GAS7: variants seen among roughly 807,000 people sequenced by gnomAD.
GAS7 encodes growth arrest-specific protein 7.
GAS7 carries 28 observed loss-of-function variants against 71.1 expected under a neutral mutation model. The observed-to-expected ratio is 0.39, with a 90% CI of 0.29 to 0.54. The LOEUF is 0.54. Ranked by LOEUF, GAS7 falls within the 20% of genes least tolerant of loss-of-function variation. GAS7 has a pLI of 0.62. For synonymous variants in GAS7, 258 were observed against 245.8 expected (o/e 1.05, Z -0.46); for missense variants, 436 against 627.8 (o/e 0.69, Z 3.27).
chr17:9,958,687 G>A (rs867984184), intron 5 of GAS7, among the ~76,000 whole-genome samples: 2 of 152,200 alleles, frequency 1.3e-5, no homozygotes, highest in African/African-American at 4.8e-5. Flanking sequence ...ATCTCCACAT[G>A]GGGTTGGGCA....
intron 1 of GAS7, among the ~76,000 whole-genome samples, chr17:10,080,050 T>G (rs547601298): frequency 1.5e-4 from 23 of 152,260 alleles, no homozygotes; most frequent in Admixed American, 4.6e-4. Flanking sequence ...CCTAGTAGAT[T>G]TGGCATTCTA....
intron 1 of GAS7, among the ~76,000 whole-genome samples, chr17:10,121,434 G>C (rs2073903705): frequency 6.6e-6 from 1 of 152,120 alleles, no homozygotes; most frequent in African/African-American, 2.4e-5. Flanking sequence ...GCTCTGGAGA[G>C]AGATGGCCTG....
chr17:9,965,246 A>G (rs1441816791), intron 4 of GAS7, among the ~76,000 whole-genome samples: 1 of 152,160 alleles, frequency 6.6e-6, no homozygotes, highest in African/African-American at 2.4e-5. Flanking sequence ...CACTATTTAC[A>G]ACAGCAAAGA....
intron 1 of GAS7, among the ~76,000 whole-genome samples, chr17:10,179,966 T>C (rs2074401567): frequency 6.6e-6 from 1 of 152,196 alleles, no homozygotes; most frequent in South Asian, 2.1e-4. Context: ...AAGCTCTCAG[T>C]GGAGCATTTA....
In GAS7 at chr17:9,919,969, TTGTGTGTGTGTGTGTG is replaced by T. The variant is rs34994635; in HGVS notation, c.1139-280_1139-265del. 6.4e-3 allele frequency among the ~76,000 whole-genome samples: 840 copies of T among 131,496 alleles called. 17 individuals are homozygous for T. The highest frequency in any genetic ancestry group is 8.2e-3 in the Middle Eastern group (2 of 244). 86.3% of individuals were successfully genotyped at this position (131,496 alleles called of 152,430 possible). Reference sequence around the variant, plus strand: ...AGGATTCAGGATGGTGGTTCTCATTTTGTGTGTGTGTGTGTGTGTGTGTGTGTGTGTGTGTGTGTGT... The same window carrying T: ...AGGATTCAGGATGGTGGTTCTCATTTTGTGTGTGTGTGTGTGTGTGTGTGT... On this transcript the variant is annotated intron_variant, in intron 11 of 13. Transcript: ENST00000432992. The surrounding 1 kb of genome is among the most constrained non-coding windows in gnomAD (Gnocchi z 5.0).
chr17:10,133,234 T>C (rs1010858160), intron 1 of GAS7, among the ~76,000 whole-genome samples: 10 of 151,928 alleles, frequency 6.6e-5, no homozygotes, highest in Non-Finnish European at 1.5e-4. Flanking sequence ...GTGATTCTCC[T>C]ATCTCAGTCT....
At chr17:9,992,078 C>T (rs933061969) in intron 2 of GAS7, among the ~76,000 whole-genome samples, 2 of 152,140 alleles carry the variant, frequency 1.3e-5, no homozygotes, top group African/African-American at 4.8e-5. Context: ...TCATTTTTAT[C>T]AAGCGATCTC....
intron 1 of GAS7, among the ~76,000 whole-genome samples, chr17:10,164,632 A>G (rs1330549840): frequency 6.6e-6 from 1 of 151,562 alleles, no homozygotes; most frequent in African/African-American, 2.4e-5. Context: ...ACCTGTGAAT[A>G]GCCGCTGCAC....
chr17:10,168,220 T>C (rs1428127296), intron 1 of GAS7, among the ~76,000 whole-genome samples: 2 of 152,092 alleles, frequency 1.3e-5, no homozygotes, highest in Non-Finnish European at 2.9e-5. Flanking sequence ...ACAGTTTTTA[T>C]AAATAACCAC....
Position 9,915,905 on chromosome 17 carries a change from A to C in GAS7, c.*1323T>G, listed in dbSNP as rs2067569681. 4.3e-6 allele frequency: 1 copy of C among 232,418 alleles called. No individual in the cohort carries two copies. The highest frequency in any genetic ancestry group is 5.6e-5 in the Admixed American group (1 of 17,750). 14.4% of individuals were successfully genotyped at this position (232,418 alleles called of 1,614,324 possible). A position where few individuals can be genotyped will look rare whatever the true frequency, so the allele number is the denominator to read the frequency against. ...GAGAAAGTAATGAGCTGGGCCAAAC[A>C]GCAGCACTGAAAGCTTCCCAAGTCA... On this transcript the variant is annotated 3_prime_UTR_variant, in exon 14 of 14. Transcript: ENST00000432992.
chr17:10,089,030 A>G (rs993106345), intron 1 of GAS7, among the ~76,000 whole-genome samples: 1 of 151,980 alleles, frequency 6.6e-6, no homozygotes. Flanking sequence ...GCATGGTGGC[A>G]GGTGCCTGTA....
At chr17:10,058,953 T>C (rs1214407660) in intron 1 of GAS7, among the ~76,000 whole-genome samples, 1 of 152,232 alleles carries the variant, frequency 6.6e-6, no homozygotes, top group East Asian at 1.9e-4. Context: ...CAATCCTGTG[T>C]TCATTACACG....
At chr17:9,927,487 A>AAC (rs1567782136) in intron 9 of GAS7, among the ~76,000 whole-genome samples, 1 of 151,908 alleles carries the variant, frequency 6.6e-6, no homozygotes, top group African/African-American at 2.4e-5. Context: ...CTCAAAAAAA[A>AAC]AAAACAAAAC....
At chr17:10,105,796 C>T (rs2073750989) in intron 1 of GAS7, among the ~76,000 whole-genome samples, 1 of 152,172 alleles carries the variant, frequency 6.6e-6, no homozygotes, top group Non-Finnish European at 1.5e-5. Flanking sequence ...CCAACTCTAC[C>T]CCACCTCTCC....
intron 1 of GAS7, among the ~76,000 whole-genome samples, chr17:10,173,778 G>GA (rs908744090): frequency 5.4e-5 from 8 of 149,060 alleles, no homozygotes; most frequent in South Asian, 2.1e-4. Flanking sequence ...AAAAAAAAAA[G>GA]AAAAAAAAAG....
At chr17:10,078,053 T>TTG (rs59380311) in intron 1 of GAS7, among the ~76,000 whole-genome samples, 11,583 of 146,318 alleles carry the variant, frequency 0.079, 585 homozygotes, top group East Asian at 0.17. Flanking sequence ...GTTTTTTCTG[T>TTG]TGTGTGTGTG....
chr17:9,954,591 T>C lies in GAS7; in HGVS notation c.525+4611A>G, dbSNP rs577871485. On this transcript the variant is annotated intron_variant, in intron 5 of 13. Coordinates refer to ENST00000432992, the MANE Select transcript of GAS7 (RefSeq NM_201433.2). ...TGACAGCACCATGAAGTCAATTCAGTGATGCCCATCCAGGGACAATTTTTC... is the reference window on the plus strand; with the variant it reads ...TGACAGCACCATGAAGTCAATTCAGCGATGCCCATCCAGGGACAATTTTTC... 1.3e-3 allele frequency among the ~76,000 whole-genome samples: 196 copies of C among 152,228 alleles called. 3 individuals carry two copies. The South Asian group carries it at 0.038, about 30-fold the overall frequency.
chr17:10,040,880 G>A (rs187053655), intron 1 of GAS7, among the ~76,000 whole-genome samples: 51 of 152,248 alleles, frequency 3.3e-4, no homozygotes, highest in Non-Finnish European at 5.9e-4. Flanking sequence ...GGTAAAAGCG[G>A]GCCGGGCACG....
intron 1 of GAS7, among the ~76,000 whole-genome samples, chr17:10,154,208 C>G (rs965618543): frequency 6.6e-6 from 1 of 151,720 alleles, no homozygotes; most frequent in Non-Finnish European, 1.5e-5. Context: ...TAAAAATTCA[C>G]ACAGGCCAAA....
Sources: allele counts gnomAD v4.1 joint callset (sites outside exome capture counted in the v4.1 genomes callset), GRCh38; gene constraint gnomAD v4.1.1; non-coding constraint Gnocchi (gnomAD v3.1); transcripts MANE v1.5; gene names NCBI Gene and HGNC (gene_info 2026-07-23, HGNC 2026-07-21).